Variants in LINGO2 observed in about 807,000 individuals in gnomAD.
The protein encoded by LINGO2 is leucine-rich repeat and immunoglobulin-like domain-containing nogo receptor-interacting protein 2.
Under a neutral mutation model 30.6 loss-of-function variants are expected in LINGO2, and 14 were observed. The ratio of observed to expected loss-of-function variants is 0.46; its 90% CI spans 0.30 to 0.72. The LOEUF (loss-of-function observed/expected upper bound fraction) is 0.72, where lower values mean the gene tolerates loss of function less well. LINGO2 is among the 30% of genes least tolerant of loss of function. The pLI is 0.07. For missense variants in LINGO2, 729 were observed against 751.7 expected (o/e 0.97, Z 0.35); for synonymous variants, 317 against 288.5 (o/e 1.10, Z -1.00).
chr9:28,715,432 T>C, the LINGO2 span, among the ~76,000 whole-genome samples: 1 of 152,146 alleles, frequency 6.6e-6, no homozygotes, highest in South Asian at 2.1e-4. Flanking sequence ...TTCTGGGTAA[T>C]GTATCTAAGA....
intron 2 of LINGO2, among the ~76,000 whole-genome samples, chr9:28,455,812 T>A (rs569997092): frequency 2.0e-4 from 30 of 152,226 alleles, no homozygotes; most frequent in African/African-American, 6.5e-4. Context: ...CCCTGCCTTG[T>A]AGAGTATACT....
At chr9:28,591,434 T>A (rs1824904930) in intron 1 of LINGO2, among the ~76,000 whole-genome samples, 1 of 151,988 alleles carries the variant, frequency 6.6e-6, no homozygotes. Flanking sequence ...GTCTCCCACT[T>A]CCAGAGGAGA....
the LINGO2 span, among the ~76,000 whole-genome samples, chr9:29,212,132 C>A: frequency 6.6e-6 from 1 of 152,172 alleles, no homozygotes; most frequent in South Asian, 2.1e-4. Context: ...ATCTCATCCC[C>A]GAAGTGGCTC....
At chr9:28,766,817 AGAGAGAGAGAGAAGGAGAGAAAGAGAG>A in the LINGO2 span, among the ~76,000 whole-genome samples, 1 of 24,054 alleles carries the variant, frequency 4.2e-5, no homozygotes, top group African/African-American at 2.5e-4. Flanking sequence ...AAGGAGAGAG[AGAGAGAGAGAGAAGGAGAGAAAGAGAG>A]AGAGAGAGAA....
At chr9:28,511,515 G>T (rs1447408768) in intron 1 of LINGO2, among the ~76,000 whole-genome samples, 2 of 152,120 alleles carry the variant, frequency 1.3e-5, no homozygotes, top group Non-Finnish European at 2.9e-5. Flanking sequence ...TTACAGGGGT[G>T]GCTAGGGAAA....
At chr9:28,169,987 T>C (rs1406353593) in intron 4 of LINGO2, among the ~76,000 whole-genome samples, 1 of 152,214 alleles carries the variant, frequency 6.6e-6, no homozygotes, top group Non-Finnish European at 1.5e-5. Context: ...ATTTCATCTA[T>C]ATTTTTAAAA....
chr9:28,799,441 G>T, the LINGO2 span, among the ~76,000 whole-genome samples: 16 of 152,234 alleles, frequency 1.1e-4, no homozygotes, highest in Admixed American at 5.9e-4. Flanking sequence ...ACCATCAAGG[G>T]AGAGACATTG....
At chr9:28,598,452 C>CA (rs1249831999) in intron 1 of LINGO2, among the ~76,000 whole-genome samples, 51 of 136,548 alleles carry the variant, frequency 3.7e-4, no homozygotes, top group South Asian at 2.6e-3. Flanking sequence ...AACAAACAAA[C>CA]AAAAAAAACG....
intron 1 of LINGO2, among the ~76,000 whole-genome samples, chr9:28,655,667 C>T (rs542793745): frequency 5.3e-5 from 8 of 152,102 alleles, no homozygotes; most frequent in African/African-American, 1.9e-4. Context: ...TTTCCTCCAT[C>T]CTGTTCTCGT....
At chr9:28,367,776 C>T (rs569902461) in intron 3 of LINGO2, among the ~76,000 whole-genome samples, 42 of 152,030 alleles carry the variant, frequency 2.8e-4, no homozygotes, top group East Asian at 9.7e-4. Flanking sequence ...AAAATAATTC[C>T]GGCTATTAGT....
chr9:28,311,967 G>A (rs1824640186), intron 3 of LINGO2, among the ~76,000 whole-genome samples: 2 of 152,080 alleles, frequency 1.3e-5, no homozygotes. Flanking sequence ...TTAATTTGGG[G>A]AACTAATAAA....
intron 4 of LINGO2, among the ~76,000 whole-genome samples, chr9:28,051,775 TG>T (rs1824686276): frequency 6.6e-6 from 1 of 152,030 alleles, no homozygotes; most frequent in African/African-American, 2.4e-5. Context: ...TTCAGGAATT[TG>T]TAAGTTGATA....
chr9:28,951,368 C>T, the LINGO2 span, among the ~76,000 whole-genome samples: 1 of 121,012 alleles, frequency 8.3e-6, no homozygotes, highest in Non-Finnish European at 1.6e-5. Context: ...TTAGATTCTG[C>T]AATGGGGGTG....
chr9:28,439,695 C>T (rs545615292), intron 2 of LINGO2, among the ~76,000 whole-genome samples: 1 of 152,164 alleles, frequency 6.6e-6, no homozygotes, highest in Non-Finnish European at 1.5e-5. Flanking sequence ...TTCCTGAGGG[C>T]TCCCCAGGCA....
chr9:28,240,584 A>G (rs529379866), intron 4 of LINGO2, among the ~76,000 whole-genome samples: 1 of 152,184 alleles, frequency 6.6e-6, no homozygotes, highest in Non-Finnish European at 1.5e-5. Flanking sequence ...AAAACTGGTT[A>G]TCTATATGCA....
the LINGO2 span, among the ~76,000 whole-genome samples, chr9:28,862,811 T>C: frequency 1.3e-5 from 2 of 152,102 alleles, no homozygotes; most frequent in African/African-American, 4.8e-5. Flanking sequence ...AAAACCAAAA[T>C]GACTATTTGA....
At chr9:28,915,055 C>T in the LINGO2 span, among the ~76,000 whole-genome samples, 2 of 152,074 alleles carry the variant, frequency 1.3e-5, no homozygotes, top group African/African-American at 2.4e-5. Flanking sequence ...TTGCTTGAAC[C>T]CGGGAGGCGG....
chr9:28,489,756 G>A (rs1826314740), intron 1 of LINGO2, among the ~76,000 whole-genome samples: 1 of 151,620 alleles, frequency 6.6e-6, no homozygotes, highest in South Asian at 2.1e-4. Flanking sequence ...AAATTAGCTG[G>A]GGGTGGTGGT....
At chr9:28,956,820 G>A in the LINGO2 span, among the ~76,000 whole-genome samples, 89,545 of 139,216 alleles carry the variant, frequency 0.64, 29,534 homozygotes, top group Non-Finnish European at 0.72. Flanking sequence ...TTCCCTCACA[G>A]TCTACTTAAC....
Sources: allele counts gnomAD v4.1 joint callset (sites outside exome capture counted in the v4.1 genomes callset), GRCh38; gene constraint gnomAD v4.1.1; transcripts MANE v1.5; gene names NCBI Gene and HGNC (gene_info 2026-07-23, HGNC 2026-07-21).